SLC16A7: variants seen among roughly 807,000 people sequenced by gnomAD.
SLC16A7 encodes the protein monocarboxylate transporter 2.
A neutral mutation model predicts 34.9 loss-of-function variants in SLC16A7; 33 were observed. The observed-to-expected ratio is 0.94, with a 90% CI of 0.72 to 1.26. SLC16A7 has a LOEUF of 1.26. SLC16A7 is among the 50% of genes most tolerant of loss of function. SLC16A7 has a pLI of 0.00. For synonymous variants in SLC16A7, 201 were observed against 206.6 expected (o/e 0.97, Z 0.23); for missense variants, 573 against 578.1 (o/e 0.99, Z 0.09).
At chr12:59,617,080 G>C (rs1879488183) in intron 1 of SLC16A7, among the ~76,000 whole-genome samples, 1 of 151,936 alleles carries the variant, frequency 6.6e-6, no homozygotes, top group Non-Finnish European at 1.5e-5. Flanking sequence ...AATCACTTCT[G>C]TATTTTAGTA....
At chr12:59,631,248 C>A (rs1220817819) in intron 1 of SLC16A7, among the ~76,000 whole-genome samples, 1 of 151,912 alleles carries the variant, frequency 6.6e-6, no homozygotes, top group Non-Finnish European at 1.5e-5. Flanking sequence ...CTAGAATAGG[C>A]CTTTGGGAAG....
At chr12:59,740,507 A>G (rs970709964) in intron 3 of SLC16A7, among the ~76,000 whole-genome samples, 12 of 152,140 alleles carry the variant, frequency 7.9e-5, no homozygotes, top group African/African-American at 2.7e-4. Flanking sequence ...ACAAAATTCA[A>G]CAATGCTTCA....
At chr12:59,665,527 A>G (rs1435844092) in intron 2 of SLC16A7, among the ~76,000 whole-genome samples, 1 of 152,024 alleles carries the variant, frequency 6.6e-6, no homozygotes, top group Non-Finnish European at 1.5e-5. Flanking sequence ...ATATTATGGT[A>G]TGATATGAAG....
At chr12:59,742,250 T>G (rs747481558) in intron 3 of SLC16A7, among the ~76,000 whole-genome samples, 1 of 152,194 alleles carries the variant, frequency 6.6e-6, no homozygotes, top group African/African-American at 2.4e-5. Flanking sequence ...CTCTTAATGC[T>G]CATGTCCAGG....
At position 59,775,111 on chromosome 12, in the gene SLC16A7, T is replaced by C. The variant is rs1243804015; in HGVS notation, c.816T>C (p.Ala272=). The C allele has an allele frequency of 6.2e-7, 1 of 1,614,142 alleles. No individual in the cohort carries two copies. Among genetic ancestry groups the C allele is most frequent in the East Asian group, 2.2e-5 (1 of 44,884 alleles). ...FAPIIFLAPY[A]KDQGIDEYSA... is the part of the protein sequence containing the mutation. ...CCATTATATTCTTGGCTCCATATGC[T>C]AAAGACCAAGGAATTGATGAGTACT... Residue 272 remains alanine, a synonymous_variant, in exon 5 of 6, where the codon GCT becomes GCC. Coordinates refer to ENST00000547379, the MANE Select transcript of SLC16A7 (RefSeq NM_001270623.2).
chr12:59,716,735 T>C (rs937445524), intron 3 of SLC16A7, among the ~76,000 whole-genome samples: 2 of 152,000 alleles, frequency 1.3e-5, no homozygotes, highest in African/African-American at 4.8e-5. Context: ...GTGTCCCAGC[T>C]ACTCAGGAGG....
chr12:59,610,323 A>G (rs1879137165), intron 1 of SLC16A7, among the ~76,000 whole-genome samples: 2 of 152,240 alleles, frequency 1.3e-5, no homozygotes, highest in Non-Finnish European at 2.9e-5. Flanking sequence ...GCAATACTTT[A>G]CTTTGTGACT....
intron 3 of SLC16A7, among the ~76,000 whole-genome samples, chr12:59,765,436 G>T (rs1280974644): frequency 1.3e-5 from 2 of 152,144 alleles, no homozygotes; most frequent in Admixed American, 6.5e-5. Context: ...GTAATGCCTA[G>T]GTTTTCTTCT....
rs111270136 is a variant in SLC16A7 at position 59,779,146 on chromosome 12, A to G, written c.1181-277A>G. ...CTCACTCATGTATGTATTAATATAT[A>G]CACACAAAAAATGCCTAGTTTGTCT... On this transcript the variant is annotated intron_variant, in intron 5 of 5. Transcript: ENST00000547379. 1.2e-3 allele frequency among the ~76,000 whole-genome samples: 175 copies of G among 151,188 alleles called. 2 individuals carry two copies. The highest frequency in any genetic ancestry group is 4.2e-3 in the African/African-American group (170 of 40,570).
intron 3 of SLC16A7, among the ~76,000 whole-genome samples, chr12:59,762,427 T>C (rs1319219267): frequency 2.0e-5 from 3 of 146,568 alleles, no homozygotes; most frequent in Non-Finnish European, 4.4e-5. Flanking sequence ...TGAAAGGTCT[T>C]ATAAAATTCT....
chr12:59,625,874 T>A (rs977417712), intron 1 of SLC16A7, among the ~76,000 whole-genome samples: 38 of 151,930 alleles, frequency 2.5e-4, no homozygotes, highest in Admixed American at 4.6e-4. Flanking sequence ...ACTTGTCAGT[T>A]TGGGGAAAAA....
At chr12:59,673,787 T>G (rs978303598) in intron 2 of SLC16A7, among the ~76,000 whole-genome samples, 21 of 152,192 alleles carry the variant, frequency 1.4e-4, no homozygotes, top group African/African-American at 5.1e-4. Flanking sequence ...GCTGTGATAC[T>G]TGTTGGGACA....
intron 2 of SLC16A7, among the ~76,000 whole-genome samples, chr12:59,698,757 G>T (rs925362023): frequency 6.6e-6 from 1 of 151,752 alleles, no homozygotes; most frequent in Non-Finnish European, 1.5e-5. Flanking sequence ...GGAGTACTCT[G>T]TAGAAATGCC....
chr12:59,656,931 A>T (rs547440128), intron 2 of SLC16A7, among the ~76,000 whole-genome samples: 12 of 152,102 alleles, frequency 7.9e-5, no homozygotes, highest in Admixed American at 2.6e-4. Flanking sequence ...GCTGCCTCTG[A>T]TGCTTACTAA....
chr12:59,669,865 G>T (rs1217514379), intron 2 of SLC16A7, among the ~76,000 whole-genome samples: 1 of 152,122 alleles, frequency 6.6e-6, no homozygotes, highest in African/African-American at 2.4e-5. Flanking sequence ...GGGGTTATAA[G>T]AATAATAATA....
At chr12:59,642,769 A>G (rs1401295190) in intron 1 of SLC16A7, among the ~76,000 whole-genome samples, 2 of 152,094 alleles carry the variant, frequency 1.3e-5, no homozygotes, top group African/African-American at 4.8e-5. Flanking sequence ...GAATTGACTA[A>G]CCATCAATTA....
At chr12:59,779,143 T>C (rs1883034892) in intron 5 of SLC16A7, among the ~76,000 whole-genome samples, 1 of 151,318 alleles carries the variant, frequency 6.6e-6, no homozygotes, top group African/African-American at 2.5e-5. Context: ...TGTATTAATA[T>C]ATACACACAA....
At chr12:59,691,582 C>T (rs1204073965) in intron 2 of SLC16A7, among the ~76,000 whole-genome samples, 1 of 151,936 alleles carries the variant, frequency 6.6e-6, no homozygotes, top group African/African-American at 2.4e-5. Context: ...TTGGATACCT[C>T]ATGTTGCTCA....
intron 3 of SLC16A7, among the ~76,000 whole-genome samples, chr12:59,751,359 G>T (rs1249916509): frequency 1.3e-5 from 2 of 152,178 alleles, no homozygotes; most frequent in African/African-American, 4.8e-5. Flanking sequence ...GTCAAAGAAA[G>T]GTGTGACAGA....
Sources: gnomAD v4.1 joint callset for allele counts (sites outside exome capture counted in the v4.1 genomes callset) on GRCh38, gnomAD v4.1.1 for gene constraint, MANE v1.5 for transcripts, NCBI Gene and HGNC (gene_info 2026-07-23, HGNC 2026-07-21) for gene names.